The following NMT1 variants were observed in gnomAD, a reference collection of about 807,000 sequenced individuals.
NMT1 encodes glycylpeptide N-tetradecanoyltransferase 1.
Under a neutral mutation model 63.4 loss-of-function variants are expected in NMT1, and 12 were observed. The observed-to-expected ratio is 0.19, with a 90% CI of 0.12 to 0.31. NMT1 has a LOEUF of 0.31. NMT1 is among the 10% of genes least tolerant of loss of function. The probability of loss-of-function intolerance (pLI) is 1.00; values close to 1 mark genes in which losing one functional copy is unlikely to be tolerated. For missense variants in NMT1, 432 were observed against 634.6 expected, an observed-to-expected ratio of 0.68 and a Z score of 3.43; for synonymous variants, 228 against 234.3, an observed-to-expected ratio of 0.97 and a Z score of 0.25.
intron 1 of NMT1, among the ~76,000 whole-genome samples, chr17:45,076,224 C>G (rs1281967779): frequency 3.3e-5 from 5 of 151,992 alleles, no homozygotes; most frequent in African/African-American, 1.2e-4. Flanking sequence ...TGCTAGGATG[C>G]TTTTTGAAGT....
rs2054208380 is a variant in NMT1 at position 45,107,255 on chromosome 17, A to C, written c.*1616A>C. On this transcript the variant is annotated 3_prime_UTR_variant, in exon 12 of 12. Coordinates refer to ENST00000258960, the MANE Select transcript of NMT1 (RefSeq NM_021079.5). ...ATTCTGCAGAGTTTCCAAAACCAGAAGACATCGTATGCTTGGGATGGGGGC... is the reference window on the plus strand; with the variant it reads ...ATTCTGCAGAGTTTCCAAAACCAGACGACATCGTATGCTTGGGATGGGGGC... 2 of 152,352 alleles carry C rather than the reference A, an allele frequency of 1.3e-5. No homozygotes were observed. Among genetic ancestry groups the C allele is most frequent in the Admixed American group, 1.3e-4 (2 of 15,274 alleles). The allele number at this position is 152,352 out of a possible 1,614,324, so 9.4% of individuals were successfully genotyped here.
Position 45,101,451 on chromosome 17 carries a change from G to A in NMT1, c.994-1500G>A, listed in dbSNP as rs1237740919. 2.6e-5 allele frequency among the ~76,000 whole-genome samples: 4 copies of A among 150,966 alleles called. No individual in the cohort carries two copies. The East Asian group carries it at 8.1e-4, about 30-fold the overall frequency. On this transcript the variant is annotated intron_variant, in intron 8 of 11. Coordinates refer to ENST00000258960, the MANE Select transcript of NMT1 (RefSeq NM_021079.5). ...CATCCTGCCAACATGGTGAAACCCT[G>A]TCTCTACTAAAAACACAAAAATTAG... is the stretch of plus-strand genomic sequence containing the variant.
chr17:45,084,853 A>G (rs1268483294), intron 2 of NMT1, among the ~76,000 whole-genome samples: 1 of 152,178 alleles, frequency 6.6e-6, no homozygotes, highest in Non-Finnish European at 1.5e-5. Flanking sequence ...TTTAGAGAGC[A>G]AATTGATGAT....
At chr17:45,098,247 C>T in intron 6 of NMT1, 135 bp from the exon 7 acceptor site, 1 of 742,392 alleles carries the variant, frequency 1.3e-6, no homozygotes, top group Non-Finnish European at 2.3e-6. Context: ...AGTCCCAGTA[C>T]TGAGTGCAGG....
intron 3 of NMT1, among the ~76,000 whole-genome samples, chr17:45,088,096 G>A (rs1435042922): frequency 2.6e-5 from 4 of 152,226 alleles, no homozygotes; most frequent in African/African-American, 4.8e-5. Flanking sequence ...GCATCCCCAC[G>A]GGTGAGGGAG....
rs2054205217 is a variant in NMT1, at chr17:45,106,789, G to A, written c.*1150G>A. The A allele has an allele frequency of 6.5e-6, 1 of 152,782 alleles. No homozygotes were observed. The highest frequency in any genetic ancestry group is 2.4e-5 in the African/African-American group (1 of 41,576). 9.5% of individuals were successfully genotyped at this position (152,782 alleles called of 1,614,324 possible). ...GCAAGAAGTGATTAGAGGCAGATCT[G>A]GACTTGGCAACAGAAGTGGTTTCCC... On this transcript the variant is annotated 3_prime_UTR_variant, in exon 12 of 12. Coordinates refer to ENST00000258960, the MANE Select transcript of NMT1 (RefSeq NM_021079.5).
At chr17:45,101,822 A>G (rs1335395581) in intron 8 of NMT1, among the ~76,000 whole-genome samples, 1 of 152,138 alleles carries the variant, frequency 6.6e-6, no homozygotes, top group Non-Finnish European at 1.5e-5. Flanking sequence ...TTAGTGTCCC[A>G]TCTTGAGAGA....
intron 3 of NMT1, among the ~76,000 whole-genome samples, chr17:45,090,568 C>T (rs546791981): frequency 3.1e-4 from 47 of 152,244 alleles, no homozygotes; most frequent in African/African-American, 1.0e-3. Flanking sequence ...GAAGCTTCCC[C>T]TCTCTTTTTC....
chr17:45,080,083 G>A (rs2143477316), intron 1 of NMT1, among the ~76,000 whole-genome samples: 1 of 152,196 alleles, frequency 6.6e-6, no homozygotes, highest in East Asian at 1.9e-4. Flanking sequence ...GCTGGGTTTT[G>A]CCAGTGGTGA....
At chr17:45,084,243 T>C (rs1480430656) in intron 2 of NMT1, among the ~76,000 whole-genome samples, 1 of 151,864 alleles carries the variant, frequency 6.6e-6, no homozygotes, top group East Asian at 1.9e-4. Context: ...GTGTAATCAG[T>C]AAATAATAAG....
At chr17:45,097,057 G>C in intron 5 of NMT1, 71 bp from the exon 6 acceptor site, 1 of 1,252,426 alleles carries the variant, frequency 8.0e-7, no homozygotes, top group Non-Finnish European at 1.2e-6. Flanking sequence ...AACCAAATTT[G>C]GCTGTGGAGC....
Position 45,093,881 on chromosome 17 carries a change from C to T in NMT1, c.504+78C>T, listed in dbSNP as rs75137591. On this transcript the variant is annotated intron_variant, in intron 4 of 11. Transcript: ENST00000258960. ...AAGCCCTGCAGTCTCACCTAGACTACGTTTACTCGAGCCCTAGAGAGCTGA... is the reference window on the plus strand; with the variant it reads ...AAGCCCTGCAGTCTCACCTAGACTATGTTTACTCGAGCCCTAGAGAGCTGA... 678 of 1,177,500 alleles carry T rather than the reference C, an allele frequency of 5.8e-4. 3 individuals are homozygous for T. In the East Asian group the frequency reaches 0.012, roughly 21 times the overall value. 72.9% of individuals were successfully genotyped at this position (1,177,500 alleles called of 1,614,324 possible).
At chr17:45,065,643 A>C (rs2053897839) in intron 1 of NMT1, among the ~76,000 whole-genome samples, 1 of 151,030 alleles carries the variant, frequency 6.6e-6, no homozygotes. Flanking sequence ...AAAAAAAAAA[A>C]AGAAATACCT....
Position 45,103,161 on chromosome 17 carries a change from C to T in NMT1, c.1164+40C>T. 1 of 1,573,886 alleles carries T rather than the reference C, an allele frequency of 6.4e-7. No homozygotes were observed. The highest frequency in any genetic ancestry group is 2.3e-5 in the East Asian group (1 of 44,040). ...GGTGTTCCAGGTCTCTAACACGTTC[C>T]CAGAGAGGCACCCCCCTGAGTGGCC... On this transcript the variant is annotated intron_variant, in intron 9 of 11. Coordinates refer to ENST00000258960, the MANE Select transcript of NMT1 (RefSeq NM_021079.5). The surrounding 1 kb of genome is among the most constrained non-coding windows in gnomAD (Gnocchi z 4.8).
intron 3 of NMT1, 191 bp from the exon 4 acceptor site, chr17:45,093,491 TTTG>T (rs2054102564): frequency 3.6e-6 from 2 of 560,284 alleles, no homozygotes; most frequent in African/African-American, 3.8e-5. Flanking sequence ...GTCCTGAGGT[TTTG>T]CCATGAATTG....
chr17:45,093,675 C>A lies in NMT1; in HGVS notation c.386-10C>A. ...AAAGGGTGAGGCTCACAGCTGTGCTCTTCTTTCAGGCGAAGTGGTGAACAC... is the reference window on the plus strand; with the variant it reads ...AAAGGGTGAGGCTCACAGCTGTGCTATTCTTTCAGGCGAAGTGGTGAACAC... On this transcript the variant is annotated splice_polypyrimidine_tract_variant and intron_variant, in intron 3 of 11. Coordinates refer to ENST00000258960, the MANE Select transcript of NMT1 (RefSeq NM_021079.5). 3 of 1,613,090 alleles carry A rather than the reference C, an allele frequency of 1.9e-6. No homozygotes were observed. Among genetic ancestry groups the A allele is most frequent in the African/African-American group, 1.3e-5 (1 of 75,058 alleles).
chr17:45,096,632 G>T (rs1331830391), intron 5 of NMT1, among the ~76,000 whole-genome samples: 2 of 152,220 alleles, frequency 1.3e-5, no homozygotes, highest in East Asian at 1.9e-4. Context: ...ATGCTCAGTT[G>T]TATAGCCTTG....
At chr17:45,080,012 A>G (rs1193046398) in intron 1 of NMT1, among the ~76,000 whole-genome samples, 1 of 151,830 alleles carries the variant, frequency 6.6e-6, no homozygotes, top group Admixed American at 6.6e-5. Flanking sequence ...GTTTCTTGTA[A>G]TCTCTCCATG....
At chr17:45,074,793 C>G (rs191698691) in intron 1 of NMT1, among the ~76,000 whole-genome samples, 32 of 152,312 alleles carry the variant, frequency 2.1e-4, no homozygotes, top group Admixed American at 1.6e-3. Context: ...GATTCTGGTT[C>G]TGGCCAATCT....
Sources: gnomAD v4.1 joint callset for allele counts (sites outside exome capture counted in the v4.1 genomes callset) on GRCh38, gnomAD v4.1.1 for gene constraint, Gnocchi (gnomAD v3.1) non-coding constraint, MANE v1.5 for transcripts, NCBI Gene and HGNC (gene_info 2026-07-23, HGNC 2026-07-21) for gene names.